HNF4G: variants seen among roughly 807,000 people sequenced by gnomAD.
HNF4G encodes hepatocyte nuclear factor 4-gamma.
In HNF4G, 21 loss-of-function variants were observed where a neutral mutation model predicts 50.9. That is an observed-to-expected ratio of 0.41 (90% CI 0.29 to 0.59). HNF4G has a LOEUF of 0.59. Among genes scored for constraint, HNF4G ranks in the 20% least tolerant of loss-of-function variants. HNF4G has a pLI of 0.26. For missense variants in HNF4G, 527 were observed against 559.4 expected, an observed-to-expected ratio of 0.94 and a Z score of 0.58; for synonymous variants, 198 against 185.6, an observed-to-expected ratio of 1.07 and a Z score of -0.54.
intron 2 of HNF4G, among the ~76,000 whole-genome samples, chr8:75,545,239 A>ATGTGTGTGTGTGTGTGTGTG (rs57486410): frequency 1.4e-4 from 20 of 145,590 alleles, no homozygotes; most frequent in African/African-American, 4.8e-4. Context: ...TTAAAATTGA[A>ATGTGTGTGTGTGTGTGTGTG]TGTGTGTGTG....
chr8:75,516,646 T>C (rs1353368739), intron 2 of HNF4G, among the ~76,000 whole-genome samples: 1 of 152,208 alleles, frequency 6.6e-6, no homozygotes, highest in African/African-American at 2.4e-5. Flanking sequence ...TATCAGTTAC[T>C]GAGAGATGAG....
chr8:75,544,581 A>C (rs932367847), intron 2 of HNF4G, among the ~76,000 whole-genome samples: 2 of 151,930 alleles, frequency 1.3e-5, no homozygotes, highest in African/African-American at 4.8e-5. Context: ...ATTAAATTTA[A>C]ATGTTTTGTC....
At chr8:75,548,261 A>G (rs923015305) in intron 3 of HNF4G, among the ~76,000 whole-genome samples, 3 of 152,206 alleles carry the variant, frequency 2.0e-5, no homozygotes, top group Admixed American at 2.0e-4. Flanking sequence ...CTGGGATTAC[A>G]GGCTTGAGCC....
chr8:75,552,920 G>C (rs895049434), intron 4 of HNF4G, 122 bp from the exon 5 acceptor site: 20 of 575,150 alleles, frequency 3.5e-5, no homozygotes, highest in Non-Finnish European at 4.8e-5. Context: ...TATTTGTCAA[G>C]ATACTGTAAC....
intron 2 of HNF4G, among the ~76,000 whole-genome samples, chr8:75,533,362 AT>A (rs995969269): frequency 3.4e-4 from 51 of 151,978 alleles, no homozygotes; most frequent in African/African-American, 1.2e-3. Flanking sequence ...AGACTTTCTG[AT>A]TTAATTCGTG....
intron 1 of HNF4G, among the ~76,000 whole-genome samples, chr8:75,424,400 T>G (rs10089400): frequency 0.029 from 4,391 of 152,272 alleles, 226 homozygotes; most frequent in African/African-American, 0.1. Context: ...TCCATTTTTA[T>G]TTTTGATTCA....
Position 75,550,476 on chromosome 8 carries a change from C to G in HNF4G, c.383-912C>G, listed in dbSNP as rs532707516. Among the ~76,000 whole-genome samples, 5 of 152,090 alleles carry G rather than the reference C, an allele frequency of 3.3e-5. No individual in the cohort carries two copies. The East Asian group carries it at 5.8e-4, about 18-fold the overall frequency. ...TACAAGCGTGTGCCACCACGCCTGG[C>G]TAATTTTTGTATTTTTAGTAGAGAC... On this transcript the variant is annotated intron_variant, in intron 3 of 9. Transcript: ENST00000396423.
intron 1 of HNF4G, among the ~76,000 whole-genome samples, chr8:75,464,058 G>A (rs1369960251): frequency 2.0e-5 from 3 of 152,094 alleles, no homozygotes; most frequent in Admixed American, 6.6e-5. Context: ...ACAGGTGTGA[G>A]CCACCGTGCC....
chr8:75,454,373 T>A (rs1811668444), intron 1 of HNF4G, among the ~76,000 whole-genome samples: 1 of 152,154 alleles, frequency 6.6e-6, no homozygotes, highest in Admixed American at 6.6e-5. Context: ...AAGTATAAAA[T>A]GTTTAGTACA....
intron 2 of HNF4G, chr8:75,527,174 T>A (rs1285849512): frequency 6.6e-6 from 1 of 152,206 alleles, no homozygotes; most frequent in Non-Finnish European, 1.5e-5. Context: ...ATTGTTGAAC[T>A]ACTATCTAGG....
At chr8:75,528,149 G>C (rs1318775397) in intron 2 of HNF4G, among the ~76,000 whole-genome samples, 1 of 152,128 alleles carries the variant, frequency 6.6e-6, no homozygotes, top group Non-Finnish European at 1.5e-5. Context: ...TATATGAGTG[G>C]CCCATGTAGT....
intron 1 of HNF4G, among the ~76,000 whole-genome samples, chr8:75,415,800 A>G (rs1272299252): frequency 6.6e-6 from 1 of 151,968 alleles, no homozygotes; most frequent in East Asian, 1.9e-4. Flanking sequence ...GGGCATGTAT[A>G]TGTACATTTA....
chr8:75,442,255 T>C (rs1294593553), intron 1 of HNF4G, among the ~76,000 whole-genome samples: 1 of 152,170 alleles, frequency 6.6e-6, no homozygotes, highest in Non-Finnish European at 1.5e-5. Flanking sequence ...TACTGTTCAT[T>C]CTCTACTTTA....
intron 1 of HNF4G, among the ~76,000 whole-genome samples, chr8:75,463,679 C>T (rs866256287): frequency 6.6e-6 from 1 of 150,996 alleles, no homozygotes; most frequent in Non-Finnish European, 1.5e-5. Flanking sequence ...GTTTTCCTTT[C>T]TTCAGCAGCT....
At chr8:75,414,672 A>G (rs1312273791) in intron 1 of HNF4G, among the ~76,000 whole-genome samples, 1 of 152,026 alleles carries the variant, frequency 6.6e-6, no homozygotes, top group Non-Finnish European at 1.5e-5. Flanking sequence ...GGCATATTTC[A>G]CTCAGTGTAA....
chr8:75,459,070 A>C (rs1811787039), intron 1 of HNF4G, among the ~76,000 whole-genome samples: 1 of 152,136 alleles, frequency 6.6e-6, no homozygotes, highest in Non-Finnish European at 1.5e-5. Context: ...TACAGTGACT[A>C]CATTCATTCA....
intron 1 of HNF4G, among the ~76,000 whole-genome samples, chr8:75,466,558 TCTC>T (rs1251400872): frequency 6.8e-6 from 1 of 146,422 alleles, no homozygotes; most frequent in African/African-American, 2.5e-5. Context: ...CTTCTTCTCT[TCTC>T]TTTTCTCGCT....
chr8:75,551,250 T>A (rs554343425), intron 3 of HNF4G, 138 bp from the exon 4 acceptor site: 1 of 564,602 alleles, frequency 1.8e-6, no homozygotes, highest in East Asian at 2.9e-5. Context: ...TAGTGGAGAA[T>A]GAAAATATCT....
intron 1 of HNF4G, among the ~76,000 whole-genome samples, chr8:75,414,469 A>G (rs1007754731): frequency 2.6e-5 from 4 of 152,172 alleles, no homozygotes; most frequent in African/African-American, 9.7e-5. Context: ...AAATCACCAC[A>G]GTAAAGATAG....
Sources: gnomAD v4.1 joint callset for allele counts (sites outside exome capture counted in the v4.1 genomes callset) on GRCh38, gnomAD v4.1.1 for gene constraint, MANE v1.5 for transcripts, NCBI Gene and HGNC (gene_info 2026-07-23, HGNC 2026-07-21) for gene names.